PRH1: variants seen among roughly 807,000 people sequenced by gnomAD.
PRH1 encodes the protein proline rich protein HaeIII subfamily 1.
In PRH1, 7 loss-of-function variants were observed where a neutral mutation model predicts 7.9. The observed-to-expected ratio is 0.89, with a 90% CI of 0.50 to 1.67. The LOEUF (loss-of-function observed/expected upper bound fraction) is 1.67. Among genes scored for constraint, PRH1 ranks in the 40% most tolerant of loss-of-function variants. The pLI is 0.00. For missense variants in PRH1, 109 were observed against 223.6 expected (o/e 0.49, Z 3.27); for synonymous variants, 45 against 80.8 (o/e 0.56, Z 2.38).
At chr12:11,161,446 CAAACTTTTTAA>C (rs1420095305) in intron 1 of PRH1, among the ~76,000 whole-genome samples, 2 of 152,084 alleles carry the variant, frequency 1.3e-5, no homozygotes, top group Non-Finnish European at 2.9e-5. Flanking sequence ...GGTGTATAAG[CAAACTTTTTAA>C]AAACATTATA....
chr12:11,076,095 T>G (rs1395696019), intron 1 of PRH1, among the ~76,000 whole-genome samples: 1 of 114,084 alleles, frequency 8.8e-6, no homozygotes, highest in African/African-American at 2.9e-5. Flanking sequence ...TATATATATA[T>G]CAGATGAGGA....
intron 1 of PRH1, among the ~76,000 whole-genome samples, chr12:11,063,415 A>G (rs1190349000): frequency 2.6e-5 from 4 of 152,068 alleles, no homozygotes; most frequent in Admixed American, 6.6e-5. Flanking sequence ...CACTGTTCCC[A>G]GAAGGAGAGT....
At chr12:11,085,086 C>T (rs147575753) in intron 1 of PRH1, among the ~76,000 whole-genome samples, 2,980 of 104,982 alleles carry the variant, frequency 0.028, 883 homozygotes, top group South Asian at 0.046. Flanking sequence ...TCCCGAAGTG[C>T]TGGGATTACA....
chr12:10,884,348 G>C (rs942809108), upstream of PRH1: 158 of 1,099,244 alleles, frequency 1.4e-4, 1 homozygote, highest in Non-Finnish European at 2.7e-5. Flanking sequence ...TCAGAGACTG[G>C]CTTCTGCTTT....
At chr12:11,071,500 G>C (rs1220044700) in intron 1 of PRH1, among the ~76,000 whole-genome samples, 1 of 152,188 alleles carries the variant, frequency 6.6e-6, no homozygotes, top group East Asian at 1.9e-4. Flanking sequence ...AGACACAAAG[G>C]AATGTAGAGT....
At chr12:11,052,732 A>T (rs561440850) in intron 1 of PRH1, among the ~76,000 whole-genome samples, 1 of 136,064 alleles carries the variant, frequency 7.3e-6, no homozygotes, top group South Asian at 2.4e-4. Context: ...TTCACTAATT[A>T]TCTCTTCTCG....
At chr12:10,982,428 T>C (rs1939402721) in intron 1 of PRH1, among the ~76,000 whole-genome samples, 1 of 152,218 alleles carries the variant, frequency 6.6e-6, no homozygotes, top group Non-Finnish European at 1.5e-5. Flanking sequence ...CGCTCTAGGA[T>C]GTGGTATCTT....
intron 1 of PRH1, among the ~76,000 whole-genome samples, chr12:10,987,504 T>G (rs1197039443): frequency 6.6e-6 from 1 of 151,862 alleles, no homozygotes; most frequent in East Asian, 1.9e-4. Flanking sequence ...TTGTGTGAAT[T>G]TATTGTTACC....
At chr12:10,939,617 T>G (rs1014797488) in intron 2 of PRH1, among the ~76,000 whole-genome samples, 15 of 150,612 alleles carry the variant, frequency 1.0e-4, no homozygotes, top group Non-Finnish European at 1.2e-4. Context: ...TGGGGAAGTA[T>G]CATTACAAAA....
chr12:11,067,429 ATAAT>A (rs1431581967), intron 1 of PRH1, among the ~76,000 whole-genome samples: 6 of 132,474 alleles, frequency 4.5e-5, no homozygotes, highest in African/African-American at 1.6e-4. Flanking sequence ...TGTATTATAA[ATAAT>A]TAAATTGGAA....
At chr12:11,018,056 T>C (rs779763830) in intron 1 of PRH1, among the ~76,000 whole-genome samples, 2 of 152,170 alleles carry the variant, frequency 1.3e-5, no homozygotes, top group Non-Finnish European at 2.9e-5. Flanking sequence ...CTACAGCAGA[T>C]ACAGGGTCTG....
intron 1 of PRH1, among the ~76,000 whole-genome samples, chr12:10,981,119 T>C (rs1034378902): frequency 6.6e-6 from 1 of 152,104 alleles, no homozygotes; most frequent in African/African-American, 2.4e-5. Flanking sequence ...AATTCAATGA[T>C]TGAAGGGAAT....
intron 2 of PRH1, among the ~76,000 whole-genome samples, chr12:10,899,337 GT>G (rs1270287210): frequency 6.6e-6 from 1 of 152,132 alleles, no homozygotes; most frequent in African/African-American, 2.4e-5. Flanking sequence ...GAATGCTATG[GT>G]TTGTACACGG....
At chr12:10,915,391 C>A (rs1949959428) in intron 2 of PRH1, among the ~76,000 whole-genome samples, 2 of 152,096 alleles carry the variant, frequency 1.3e-5, no homozygotes, top group African/African-American at 4.8e-5. Context: ...GAAAAAGCAA[C>A]AAAACACAGC....
intron 1 of PRH1, among the ~76,000 whole-genome samples, chr12:11,132,392 A>T (rs575242005): frequency 6.6e-6 from 1 of 152,398 alleles, no homozygotes; most frequent in East Asian, 1.9e-4. Context: ...TTTAGAAAGA[A>T]TTTTAAAAAT....
intron 2 of PRH1, among the ~76,000 whole-genome samples, chr12:10,965,639 G>A (rs1938466036): frequency 6.6e-6 from 1 of 152,176 alleles, no homozygotes. Context: ...TGAAGTAGAA[G>A]TGAAACCGGA....
intron 1 of PRH1, among the ~76,000 whole-genome samples, chr12:11,026,766 C>T (rs1333398613): frequency 6.6e-6 from 1 of 152,172 alleles, no homozygotes; most frequent in Non-Finnish European, 1.5e-5. Context: ...GATGTGCTGT[C>T]TTCACTAAGC....
intron 2 of PRH1, among the ~76,000 whole-genome samples, chr12:10,914,040 T>C (rs1949938312): frequency 6.6e-6 from 1 of 152,196 alleles, no homozygotes; most frequent in Admixed American, 6.5e-5. Flanking sequence ...ACCTAACTTA[T>C]GTGACACTGG....
intron 1 of PRH1, among the ~76,000 whole-genome samples, chr12:11,089,741 C>A (rs1328039291): frequency 8.6e-6 from 1 of 116,618 alleles, no homozygotes; most frequent in African/African-American, 2.9e-5. Flanking sequence ...ATATAATTCA[C>A]AATAGAAAAA....
Sources: allele counts gnomAD v4.1 joint callset (sites outside exome capture counted in the v4.1 genomes callset), GRCh38; gene constraint gnomAD v4.1.1; transcripts MANE v1.5; gene names NCBI Gene and HGNC (gene_info 2026-07-23, HGNC 2026-07-21).